Variants in DLGAP2 observed in about 807,000 individuals in gnomAD.
The protein encoded by DLGAP2 is DLG associated protein 2, also known as disks large-associated protein 2.
DLGAP2 carries 26 observed loss-of-function variants against 100.3 expected under a neutral mutation model. That is an observed-to-expected ratio of 0.26 (90% CI 0.19 to 0.36). The LOEUF is 0.36. Ranked by LOEUF, DLGAP2 falls within the 10% of genes least tolerant of loss-of-function variation. The pLI is 1.00. For synonymous variants in DLGAP2, 886 were observed against 630.1 expected (o/e 1.41, Z -6.08); for missense variants, 1,858 against 1,453.2 (o/e 1.28, Z -4.53).
chr8:1,588,823 G>A (rs533037667), intron 6 of DLGAP2, among the ~76,000 whole-genome samples: 1 of 151,966 alleles, frequency 6.6e-6, no homozygotes, highest in South Asian at 2.1e-4. Flanking sequence ...TCAGAAGGCT[G>A]GAGCAGGAGA....
intron 1 of DLGAP2, among the ~76,000 whole-genome samples, chr8:843,236 T>C (rs1289741734): frequency 1.3e-5 from 2 of 151,226 alleles, no homozygotes; most frequent in African/African-American, 2.5e-5. Context: ...CGTTTTCATG[T>C]GAAGTTAAGA....
intron 1 of DLGAP2, among the ~76,000 whole-genome samples, chr8:881,773 T>C (rs1345678811): frequency 1.3e-5 from 2 of 151,186 alleles, no homozygotes; most frequent in Admixed American, 6.6e-5. Context: ...CGCCTCAGCC[T>C]CCCAAAATGC....
At chr8:1,205,611 G>A (rs967742086) in intron 2 of DLGAP2, among the ~76,000 whole-genome samples, 7 of 152,188 alleles carry the variant, frequency 4.6e-5, no homozygotes, top group South Asian at 2.1e-4. Context: ...CCGCTGGGAC[G>A]TGGTGCGTGA....
chr8:1,692,528 C>T (rs1260751473), intron 13 of DLGAP2, among the ~76,000 whole-genome samples: 2 of 152,066 alleles, frequency 1.3e-5, no homozygotes, highest in African/African-American at 2.4e-5. Flanking sequence ...CAGGAAGAGG[C>T]GGGCTGCAGC....
intron 1 of DLGAP2, among the ~76,000 whole-genome samples, chr8:866,935 A>G (rs1480588454): frequency 6.6e-6 from 1 of 152,078 alleles, no homozygotes; most frequent in African/African-American, 2.4e-5. Flanking sequence ...CAGGGTCTGG[A>G]GATGGTGTCT....
intron 2 of DLGAP2, among the ~76,000 whole-genome samples, chr8:931,768 A>G (rs1798964022): frequency 6.6e-6 from 1 of 152,114 alleles, no homozygotes; most frequent in African/African-American, 2.4e-5. Context: ...AAAGGGCCCC[A>G]CTTGGTTTTT....
chr8:1,053,554 G>T (rs747368508), intron 2 of DLGAP2, among the ~76,000 whole-genome samples: 15 of 152,150 alleles, frequency 9.9e-5, no homozygotes, highest in Non-Finnish European at 1.6e-4. Flanking sequence ...AGAAGAGACA[G>T]ACGCGTGAGT....
chr8:1,380,560 C>T (rs945253141), intron 3 of DLGAP2, among the ~76,000 whole-genome samples: 17 of 152,062 alleles, frequency 1.1e-4, no homozygotes, highest in Admixed American at 5.2e-4. Context: ...TGCATCTCAC[C>T]TGGTTACAAA....
At chr8:872,572 A>G (rs1797618930) in intron 1 of DLGAP2, among the ~76,000 whole-genome samples, 1 of 151,834 alleles carries the variant, frequency 6.6e-6, no homozygotes, top group Non-Finnish European at 1.5e-5. Context: ...CAGGTGATCC[A>G]CCCACCTTGG....
At chr8:802,393 G>A (rs1796188079) in intron 1 of DLGAP2, among the ~76,000 whole-genome samples, 1 of 151,992 alleles carries the variant, frequency 6.6e-6, no homozygotes, top group Non-Finnish European at 1.5e-5. Flanking sequence ...AGTCTTCCTG[G>A]TTGAAGTCAG....
At chr8:1,515,967 ATGACTGGATGAG>A (rs1362276028) in intron 4 of DLGAP2, among the ~76,000 whole-genome samples, 3 of 152,126 alleles carry the variant, frequency 2.0e-5, no homozygotes, top group African/African-American at 7.2e-5. Flanking sequence ...GAGTGAGTGA[ATGACTGGATGAG>A]TGACTGAGTT....
chr8:1,280,009 C>T (rs997411780), intron 3 of DLGAP2, among the ~76,000 whole-genome samples: 5 of 152,194 alleles, frequency 3.3e-5, no homozygotes, highest in African/African-American at 1.2e-4. Flanking sequence ...AACAAAAGTT[C>T]TGGACTTTGA....
intron 2 of DLGAP2, among the ~76,000 whole-genome samples, chr8:1,087,731 C>T (rs1466563924): frequency 6.6e-6 from 1 of 152,222 alleles, no homozygotes; most frequent in South Asian, 2.1e-4. Context: ...ATCTACTGGA[C>T]ATTCTCACCT....
At chr8:1,508,815 G>C (rs1027966369) in intron 4 of DLGAP2, among the ~76,000 whole-genome samples, 1 of 151,752 alleles carries the variant, frequency 6.6e-6, no homozygotes, top group African/African-American at 2.4e-5. Context: ...GGGGAAGACG[G>C]GGAAGACGGG....
chr8:796,242 G>C (rs550000567), intron 1 of DLGAP2, among the ~76,000 whole-genome samples: 1 of 152,222 alleles, frequency 6.6e-6, no homozygotes, highest in Non-Finnish European at 1.5e-5. Flanking sequence ...ATTCACGACC[G>C]GGCTCCCCGG....
intron 3 of DLGAP2, among the ~76,000 whole-genome samples, chr8:1,412,516 G>A (rs1266974560): frequency 6.6e-6 from 1 of 152,194 alleles, no homozygotes; most frequent in Non-Finnish European, 1.5e-5. Context: ...ATAAATGTGT[G>A]GTTTCTCAGC....
intron 1 of DLGAP2, among the ~76,000 whole-genome samples, chr8:774,566 T>A (rs1160720270): frequency 6.7e-6 from 1 of 149,886 alleles, no homozygotes; most frequent in African/African-American, 2.4e-5. Flanking sequence ...TTTCTACATA[T>A]GGCTAGCCAG....
At chr8:1,666,614 A>C (rs1478638336) in intron 8 of DLGAP2, among the ~76,000 whole-genome samples, 1 of 151,940 alleles carries the variant, frequency 6.6e-6, no homozygotes, top group Non-Finnish European at 1.5e-5. Flanking sequence ...CAGGAGGCAG[A>C]GGCTGCAGTG....
At chr8:885,883 T>A (rs1797912469) in intron 1 of DLGAP2, among the ~76,000 whole-genome samples, 1 of 152,196 alleles carries the variant, frequency 6.6e-6, no homozygotes, top group Non-Finnish European at 1.5e-5. Flanking sequence ...TGTCTCTTCC[T>A]GGTTTTGGTA....
Sources: allele counts gnomAD v4.1 joint callset (sites outside exome capture counted in the v4.1 genomes callset), GRCh38; gene constraint gnomAD v4.1.1; transcripts MANE v1.5; gene names NCBI Gene and HGNC (gene_info 2026-07-23, HGNC 2026-07-21).